Variants in KAZN observed in about 807,000 individuals in gnomAD.
KAZN encodes the protein kazrin, periplakin interacting protein, also known as kazrin.
KAZN carries 40 observed loss-of-function variants against 87.4 expected under a neutral mutation model. That is an observed-to-expected ratio of 0.46 (90% CI 0.36 to 0.60). The LOEUF is 0.60. Among genes scored for constraint, KAZN ranks in the 20% least tolerant of loss-of-function variants. The pLI is 0.00. For synonymous variants in KAZN, 466 were observed against 458.3 expected (o/e 1.02, Z -0.22); for missense variants, 898 against 1,073.9 (o/e 0.84, Z 2.29).
intron 1 of KAZN, chr1:14,124,145 C>T (rs1451297031): frequency 6.6e-6 from 1 of 152,170 alleles, no homozygotes; most frequent in African/African-American, 2.4e-5. Flanking sequence ...ATCACAATTT[C>T]AACATTTGGT....
intron 1 of KAZN, among the ~76,000 whole-genome samples, chr1:14,818,334 G>C (rs928170254): frequency 6.6e-6 from 1 of 152,204 alleles, no homozygotes; most frequent in African/African-American, 2.4e-5. Flanking sequence ...ACTAAAACTG[G>C]GTGATCTGAG....
intron 2 of KAZN, among the ~76,000 whole-genome samples, chr1:14,436,334 T>G (rs2101417948): frequency 6.6e-6 from 1 of 151,822 alleles, no homozygotes; most frequent in Non-Finnish European, 1.5e-5. Context: ...TGAATGAGGA[T>G]GATGATGATG....
intron 1 of KAZN, among the ~76,000 whole-genome samples, chr1:14,887,163 C>T (rs1288253482): frequency 1.3e-5 from 2 of 152,218 alleles, no homozygotes; most frequent in South Asian, 2.1e-4. Flanking sequence ...CCATTTCCTT[C>T]CTGCTTCCCC....
rs756173766 is a variant in KAZN, at chr1:14,426,907, TC to T, written c.250-172074del. ...TTTCCTTTAACTTTTCCCTTTCACA[TC>T]CTTGGATTCTTCTATCACTCACCCA... is the stretch of plus-strand genomic sequence containing the variant. On this transcript the variant is annotated intron_variant, in intron 2 of 16. Coordinates refer to the KAZN transcript ENST00000636203. 6.6e-5 allele frequency among the ~76,000 whole-genome samples: 10 copies of T among 152,314 alleles called. No homozygotes were observed. In the East Asian group the frequency reaches 1.7e-3, roughly 26 times the overall value.
chr1:14,541,674 G>C (rs941923956), intron 2 of KAZN, among the ~76,000 whole-genome samples: 1 of 152,228 alleles, frequency 6.6e-6, no homozygotes, highest in Non-Finnish European at 1.5e-5. Context: ...GCAAAGCTTC[G>C]TTGCTATCTG....
At position 13,959,389 on chromosome 1, in the gene KAZN, G is replaced by T. The variant is rs111875817; in HGVS notation, c.91+65633G>T. 3.3e-3 allele frequency among the ~76,000 whole-genome samples: 508 copies of T among 152,314 alleles called. 7 individuals carry two copies. The highest frequency in any genetic ancestry group is 0.011 in the African/African-American group (473 of 41,570). The stretch of plus-strand genomic sequence containing the variant: ...ACCATACCCGACCTCACCTTGAGAT[G>T]CTCTGGGATGGACTGTAAGTTGGCA... On this transcript the variant is annotated intron_variant, in intron 1 of 16. Transcript: ENST00000636203.
rs544021797 is a variant in KAZN, at chr1:14,681,599, ATATATG to A, written c.226+82384_226+82389del. ...ATAAAATTTGCCATTTTAACTATATATATATGTATATGTGTATATATATATATATAT... is the reference window on the plus strand; with the variant it reads ...ATAAAATTTGCCATTTTAACTATATATATATGTGTATATATATATATATAT... On this transcript the variant is annotated intron_variant, in intron 1 of 14. Coordinates refer to ENST00000376030, the MANE Select transcript of KAZN (RefSeq NM_201628.3). 4.9e-4 allele frequency among the ~76,000 whole-genome samples: 51 copies of A among 103,128 alleles called. No homozygotes were observed. The East Asian group carries it at 8.6e-3, about 17-fold the overall frequency. 67.7% of individuals were successfully genotyped at this position (103,128 alleles called of 152,430 possible). A position where few individuals can be genotyped will look rare whatever the true frequency, so the allele number is the denominator to read the frequency against.
At chr1:14,405,785 C>T (rs1315674130) in intron 2 of KAZN, among the ~76,000 whole-genome samples, 1 of 152,084 alleles carries the variant, frequency 6.6e-6, no homozygotes, top group Non-Finnish European at 1.5e-5. Context: ...GTTCAAAGAC[C>T]AGCCAGCTCA....
At chr1:14,199,411 T>A (rs916842815) in intron 2 of KAZN, among the ~76,000 whole-genome samples, 1 of 152,336 alleles carries the variant, frequency 6.6e-6, no homozygotes, top group South Asian at 2.1e-4. Flanking sequence ...TCAGTTTAAA[T>A]GTCACCTCTC....
intron 2 of KAZN, among the ~76,000 whole-genome samples, chr1:14,514,129 GC>G (rs1671073229): frequency 6.8e-6 from 1 of 147,774 alleles, no homozygotes; most frequent in South Asian, 2.2e-4. Flanking sequence ...GACCACCCTG[GC>G]TAACACAGTG....
At chr1:14,972,073 A>C (rs1557674056) in intron 2 of KAZN, among the ~76,000 whole-genome samples, 1 of 152,118 alleles carries the variant, frequency 6.6e-6, no homozygotes, top group African/African-American at 2.4e-5. Flanking sequence ...TTCCCAGGAA[A>C]GGTCAGAGAT....
At chr1:14,855,577 A>C (rs1417683169) in intron 1 of KAZN, among the ~76,000 whole-genome samples, 1 of 152,212 alleles carries the variant, frequency 6.6e-6, no homozygotes, top group Non-Finnish European at 1.5e-5. Flanking sequence ...CAGCCAGGCC[A>C]GTGTCCATGA....
intron 1 of KAZN, among the ~76,000 whole-genome samples, chr1:14,882,016 C>T (rs1653392045): frequency 6.6e-6 from 1 of 152,080 alleles, no homozygotes; most frequent in African/African-American, 2.4e-5. Flanking sequence ...CCTGTTGAGT[C>T]CTTAGGGCTA....
In KAZN at chr1:14,065,870, G is replaced by T. The variant is rs796130498; in HGVS notation, c.92-114565G>T. Among the ~76,000 whole-genome samples, 22 of 152,220 alleles carry T rather than the reference G, an allele frequency of 1.4e-4. No homozygotes were observed. The East Asian group carries it at 1.5e-3, about 11-fold the overall frequency. Reference sequence around the variant, plus strand: ...GTGGTTTTGGCTACATGGATGAATTGTATAAAATTCATGAATTGTATAAAA... The same window carrying T: ...GTGGTTTTGGCTACATGGATGAATTTTATAAAATTCATGAATTGTATAAAA... On this transcript the variant is annotated intron_variant, in intron 1 of 16. Coordinates refer to the KAZN transcript ENST00000636203.
intron 1 of KAZN, among the ~76,000 whole-genome samples, chr1:14,005,590 G>A (rs1640003061): frequency 6.6e-6 from 1 of 152,168 alleles, no homozygotes; most frequent in Non-Finnish European, 1.5e-5. Context: ...GACATAATCT[G>A]TTAATAAACT....
intron 1 of KAZN, among the ~76,000 whole-genome samples, chr1:14,742,198 T>C (rs1330654305): frequency 1.8e-4 from 28 of 152,188 alleles, no homozygotes. Flanking sequence ...AGTGACCTTG[T>C]CCGTCCTGTT....
At position 14,455,748 on chromosome 1, in the gene KAZN, G is replaced by T. The variant is rs1667533920; in HGVS notation, c.250-143235G>T. Among the ~76,000 whole-genome samples the T allele has an allele frequency of 1.3e-5, 2 of 152,150 alleles. 1 individual carries two copies. Among genetic ancestry groups the T allele is most frequent in the African/African-American group, 4.8e-5 (2 of 41,440 alleles). On this transcript the variant is annotated intron_variant, in intron 2 of 16. Transcript: ENST00000636203. ...AATAAGCTTGCCACTCAAACATGAGGAGTTACTCTAACCAGAGGAATTCTT... is the reference window on the plus strand; with the variant it reads ...AATAAGCTTGCCACTCAAACATGAGTAGTTACTCTAACCAGAGGAATTCTT...
At chr1:14,019,902 A>G (rs986062696) in intron 1 of KAZN, among the ~76,000 whole-genome samples, 5 of 152,276 alleles carry the variant, frequency 3.3e-5, no homozygotes, top group African/African-American at 1.2e-4. Flanking sequence ...ATTCAAGCAC[A>G]TTACATTTAT....
At chr1:14,274,636 G>T (rs1442937800) in intron 2 of KAZN, among the ~76,000 whole-genome samples, 2 of 152,132 alleles carry the variant, frequency 1.3e-5, no homozygotes, top group Admixed American at 6.5e-5. Context: ...TGAAACACTG[G>T]TTTGGTGACT....
Sources: allele counts gnomAD v4.1 joint callset (sites outside exome capture counted in the v4.1 genomes callset), GRCh38; gene constraint gnomAD v4.1.1; transcripts MANE v1.5; gene names NCBI Gene and HGNC (gene_info 2026-07-23, HGNC 2026-07-21).